TMED8: variants seen among roughly 807,000 people sequenced by gnomAD.
The protein encoded by TMED8 is transmembrane p24 trafficking protein family member 8.
A neutral mutation model predicts 32.7 loss-of-function variants in TMED8; 15 were observed. That is an observed-to-expected ratio of 0.46 (90% CI 0.31 to 0.71). The LOEUF is 0.71. Ranked by LOEUF, TMED8 falls within the 30% of genes least tolerant of loss-of-function variation. The probability of loss-of-function intolerance (pLI) is 0.06; values close to 1 mark genes in which losing one functional copy is unlikely to be tolerated. For synonymous variants in TMED8, 147 were observed against 161.4 expected, an observed-to-expected ratio of 0.91 and a Z score of 0.68; for missense variants, 390 against 423.9, an observed-to-expected ratio of 0.92 and a Z score of 0.70.
chr14:77,374,671 A>T (rs1382303304), intron 1 of TMED8, among the ~76,000 whole-genome samples: 1 of 152,226 alleles, frequency 6.6e-6, no homozygotes, highest in Non-Finnish European at 1.5e-5. Flanking sequence ...CAAACTCAGC[A>T]AATATTTGCG....
At chr14:77,368,186 T>A (rs563875447) in intron 1 of TMED8, among the ~76,000 whole-genome samples, 1 of 152,340 alleles carries the variant, frequency 6.6e-6, no homozygotes, top group East Asian at 1.9e-4. Flanking sequence ...GGTTAAGTCA[T>A]AGAAATTTGA....
chr14:77,369,708 T>C (rs1169604455), intron 1 of TMED8, among the ~76,000 whole-genome samples: 1 of 152,208 alleles, frequency 6.6e-6, no homozygotes, highest in African/African-American at 2.4e-5. Context: ...TCATGATCTT[T>C]CTATCTCTCC....
chr14:77,357,859 C>T (rs1893327033), intron 1 of TMED8, among the ~76,000 whole-genome samples: 1 of 152,150 alleles, frequency 6.6e-6, no homozygotes, highest in Non-Finnish European at 1.5e-5. Context: ...CATGGTAGCT[C>T]ACACCTGTAA....
In TMED8 at chr14:77,337,216, G is replaced by A. The variant is rs570051820; in HGVS notation, c.*4555C>T. 1.3e-5 allele frequency: 2 copies of A among 152,220 alleles called. No homozygotes were observed. Among genetic ancestry groups the A allele is most frequent in the African/African-American group, 4.8e-5 (2 of 41,536 alleles). 9.4% of individuals were successfully genotyped at this position (152,220 alleles called of 1,614,324 possible). ...CTAAGGATTGAGTTTTAATATCAGA[G>A]TCCTGAGGACATGTCATCAAGCAAC... On this transcript the variant is annotated 3_prime_UTR_variant, in exon 6 of 6. Coordinates refer to ENST00000216468, the MANE Select transcript of TMED8 (RefSeq NM_213601.3).
chr14:77,354,403 T>G (rs1449424286), intron 1 of TMED8, among the ~76,000 whole-genome samples: 4 of 152,236 alleles, frequency 2.6e-5, no homozygotes, highest in Non-Finnish European at 5.9e-5. Context: ...GGACTTTATA[T>G]ACCCTATTAC....
chr14:77,364,059 C>T (rs1202171335), intron 1 of TMED8, among the ~76,000 whole-genome samples: 1 of 152,196 alleles, frequency 6.6e-6, no homozygotes, highest in African/African-American at 2.4e-5. Context: ...TATATGAGTG[C>T]CCGTTTCCCC....
chr14:77,343,609 T>A, intron 4 of TMED8, 88 bp downstream of exon 4: 1 of 1,587,934 alleles, frequency 6.3e-7, no homozygotes, highest in South Asian at 1.1e-5. Flanking sequence ...TCACAAGTCA[T>A]TTTCTTTCCT....
intron 2 of TMED8, among the ~76,000 whole-genome samples, chr14:77,349,978 A>G (rs1016574557): frequency 1.3e-5 from 2 of 152,186 alleles, no homozygotes; most frequent in Admixed American, 6.5e-5. Flanking sequence ...GTTTTGTTTA[A>G]TCCTCCTGGC....
chr14:77,347,375 G>A (rs1893073829), intron 2 of TMED8, among the ~76,000 whole-genome samples: 1 of 152,220 alleles, frequency 6.6e-6, no homozygotes, highest in Non-Finnish European at 1.5e-5. Context: ...TTCAGTGCTA[G>A]GGGTCATCAC....
chr14:77,339,606 T>G lies in TMED8; in HGVS notation c.*2165A>C, dbSNP rs1394931794. ...AGATTATATTCAGTTAGCTAAGGCA[T>G]GATTCAACTTCAATGATGCAAGAGC... On this transcript the variant is annotated 3_prime_UTR_variant, in exon 6 of 6. Transcript: ENST00000216468. 1 of 152,216 alleles carries G rather than the reference T, an allele frequency of 6.6e-6. No homozygotes were observed. The highest frequency in any genetic ancestry group is 2.4e-5 in the African/African-American group (1 of 41,438). 9.4% of individuals were successfully genotyped at this position (152,216 alleles called of 1,614,324 possible).
At chr14:77,357,202 G>C (rs74063340) in intron 1 of TMED8, among the ~76,000 whole-genome samples, 2,513 of 152,160 alleles carry the variant, frequency 0.017, 59 homozygotes, top group African/African-American at 0.058. Context: ...GTTCTTGCAA[G>C]AATATTCCAG....
chr14:77,356,300 T>C (rs1375416101), intron 1 of TMED8, among the ~76,000 whole-genome samples: 1 of 152,234 alleles, frequency 6.6e-6, no homozygotes, highest in African/African-American at 2.4e-5. Context: ...CCCAATGCCC[T>C]TTCCTATCCT....
chr14:77,360,569 G>A (rs1253310892), intron 1 of TMED8, among the ~76,000 whole-genome samples: 1 of 152,096 alleles, frequency 6.6e-6, no homozygotes, highest in Non-Finnish European at 1.5e-5. Context: ...CTGTGTGTAT[G>A]TATGCACACC....
rs555438351 is a variant in TMED8, at chr14:77,338,877, A to C, written c.*2894T>G. 2 of 152,248 alleles carry C rather than the reference A, an allele frequency of 1.3e-5. No individual in the cohort carries two copies. The highest frequency in any genetic ancestry group is 4.8e-5 in the African/African-American group (2 of 41,460). 9.4% of individuals were successfully genotyped at this position (152,248 alleles called of 1,614,324 possible). ...ATATGTCTTCCTTTCTAAAAGGCCC[A>C]TCTCTCAACAAAGTGGCAAAACTAA... On this transcript the variant is annotated 3_prime_UTR_variant, in exon 6 of 6. Transcript: ENST00000216468.
chr14:77,368,770 C>T (rs1202399240), intron 1 of TMED8, among the ~76,000 whole-genome samples: 2 of 152,096 alleles, frequency 1.3e-5, no homozygotes, highest in Non-Finnish European at 1.5e-5. Flanking sequence ...CCACCAAGCC[C>T]AGTCCCTTTT....
intron 1 of TMED8, chr14:77,359,433 G>A: frequency 4.3e-6 from 1 of 234,078 alleles, no homozygotes; most frequent in Non-Finnish European, 8.7e-6. Context: ...ATGTCTCCCA[G>A]TAATGTCCAA....
rs145362765 is a variant in TMED8, at chr14:77,359,508, T to A, written c.119-7757A>T. ...ACAACATGACCTACCCAGGACAACC[T>A]ACAACGACCTGAAGACATTTACTGG... On this transcript the variant is annotated intron_variant, in intron 1 of 5. Coordinates refer to ENST00000216468, the MANE Select transcript of TMED8 (RefSeq NM_213601.3). 3.7e-4 allele frequency: 123 copies of A among 332,920 alleles called. 1 individual carries two copies. In the East Asian group the frequency reaches 0.011, roughly 29 times the overall value. The allele number at this position is 332,920 out of a possible 1,614,324, so 20.6% of individuals were successfully genotyped here. A position where few individuals can be genotyped will look rare whatever the true frequency, so the allele number is the denominator to read the frequency against.
chr14:77,374,849 T>A (rs1272492792), intron 1 of TMED8, among the ~76,000 whole-genome samples: 1 of 152,214 alleles, frequency 6.6e-6, no homozygotes, highest in Non-Finnish European at 1.5e-5. Flanking sequence ...GGATCTCTCA[T>A]CTCATCAAAC....
intron 1 of TMED8, among the ~76,000 whole-genome samples, chr14:77,356,465 T>C (rs1186654828): frequency 6.6e-6 from 1 of 152,224 alleles, no homozygotes; most frequent in Admixed American, 6.5e-5. Flanking sequence ...TCATGCACCC[T>C]ACCTATGTTT....
Sources: gnomAD v4.1 joint callset for allele counts (sites outside exome capture counted in the v4.1 genomes callset) on GRCh38, gnomAD v4.1.1 for gene constraint, MANE v1.5 for transcripts, NCBI Gene and HGNC (gene_info 2026-07-23, HGNC 2026-07-21) for gene names.